The following ICA1 variants were observed in gnomAD, a reference collection of about 807,000 sequenced individuals.
ICA1 encodes islet cell autoantigen 1.
Under a neutral mutation model 71.0 loss-of-function variants are expected in ICA1, and 40 were observed. The observed-to-expected ratio is 0.56, with a 90% CI of 0.44 to 0.73. The LOEUF (loss-of-function observed/expected upper bound fraction) is 0.73, where lower values mean the gene tolerates loss of function less well. ICA1 is among the 30% of genes least tolerant of loss of function. The pLI is 0.00. For missense variants in ICA1, 578 were observed against 576.5 expected, an observed-to-expected ratio of 1.00 and a Z score of -0.03; for synonymous variants, 207 against 209.5, an observed-to-expected ratio of 0.99 and a Z score of 0.10.
chr7:8,135,610 G>A (rs1793136254), intron 12 of ICA1, among the ~76,000 whole-genome samples: 1 of 152,194 alleles, frequency 6.6e-6, no homozygotes, highest in African/African-American at 2.4e-5. Flanking sequence ...GAACTCAGAG[G>A]TAAACATGTA....
intron 9 of ICA1, chr7:8,142,089 G>T: frequency 9.1e-7 from 1 of 1,097,810 alleles, no homozygotes. Flanking sequence ...TAAGATAGAC[G>T]CATACAGTTA....
At chr7:8,163,715 T>C (rs1562776743) in intron 6 of ICA1, among the ~76,000 whole-genome samples, 1 of 151,992 alleles carries the variant, frequency 6.6e-6, no homozygotes, top group Non-Finnish European at 1.5e-5. Context: ...GAAGGAAAAG[T>C]GTGTGCAAGG....
intron 8 of ICA1, chr7:8,156,871 G>T (rs1801712255): frequency 1.1e-5 from 17 of 1,516,134 alleles, no homozygotes; most frequent in Non-Finnish European, 1.5e-5. Flanking sequence ...CAAGGTTCAA[G>T]GTTCAATTCG....
chr7:8,120,887 C>T (rs1025602184), intron 13 of ICA1, among the ~76,000 whole-genome samples: 5 of 152,198 alleles, frequency 3.3e-5, no homozygotes, highest in African/African-American at 1.2e-4. Context: ...AGAGCCGAAG[C>T]CCGGGGCTGG....
chr7:8,133,327 C>G (rs1490247917), intron 12 of ICA1, among the ~76,000 whole-genome samples: 1 of 152,192 alleles, frequency 6.6e-6, no homozygotes, highest in Non-Finnish European at 1.5e-5. Context: ...TAGAGTCTCA[C>G]TCTGTCATCC....
intron 1 of ICA1, among the ~76,000 whole-genome samples, chr7:8,250,134 G>A (rs957630941): frequency 2.6e-5 from 4 of 152,120 alleles, no homozygotes; most frequent in African/African-American, 9.7e-5. Context: ...AAAATAATTG[G>A]ATGTCTGTGC....
chr7:8,212,174 A>T (rs1794009751), intron 6 of ICA1, among the ~76,000 whole-genome samples: 1 of 152,170 alleles, frequency 6.6e-6, no homozygotes. Context: ...ACCAGAACTT[A>T]CTTGAAGTCC....
intron 8 of ICA1, among the ~76,000 whole-genome samples, chr7:8,152,602 GCACTACCACCATCACCTCTTCCAC>G: frequency 2.6e-5 from 1 of 39,060 alleles, no homozygotes; most frequent in Non-Finnish European, 6.0e-5. Flanking sequence ...ACTACCCCCA[GCACTACCACCATCACCTCTTCCAC>G]CACTACCACC....
At position 8,221,910 on chromosome 7, in the gene ICA1, T is replaced by G. The variant is rs867734298; in HGVS notation, c.257-512A>C. On this transcript the variant is annotated intron_variant, in intron 4 of 13. Transcript: ENST00000402384. ...TGGAAGTGGGGGTAGGGACGGAGGGTGGGGAGGTCATCAGGTTGATGACAG... is the reference window on the plus strand; with the variant it reads ...TGGAAGTGGGGGTAGGGACGGAGGGGGGGGAGGTCATCAGGTTGATGACAG... Among the ~76,000 whole-genome samples the G allele has an allele frequency of 2.0e-5, 3 of 151,810 alleles. No individual in the cohort carries two copies. The South Asian group carries it at 6.3e-4, about 32-fold the overall frequency.
intron 8 of ICA1, among the ~76,000 whole-genome samples, chr7:8,145,183 C>T (rs1240431297): frequency 6.6e-6 from 1 of 152,114 alleles, no homozygotes; most frequent in African/African-American, 2.4e-5. Flanking sequence ...GAAGGACCAG[C>T]GTATTTCTTT....
chr7:8,162,478 C>A (rs1324976284), intron 6 of ICA1, among the ~76,000 whole-genome samples: 1 of 152,186 alleles, frequency 6.6e-6, no homozygotes, highest in Non-Finnish European at 1.5e-5. Flanking sequence ...AAACACATTT[C>A]CAGCCTGAAG....
chr7:8,196,719 T>G (rs950385402), intron 6 of ICA1, among the ~76,000 whole-genome samples: 1 of 152,140 alleles, frequency 6.6e-6, no homozygotes, highest in Non-Finnish European at 1.5e-5. Context: ...TAACTTTACA[T>G]ATAATATATA....
intron 13 of ICA1, among the ~76,000 whole-genome samples, chr7:8,121,816 C>A (rs541828998): frequency 6.6e-6 from 1 of 152,184 alleles, no homozygotes; most frequent in Non-Finnish European, 1.5e-5. Flanking sequence ...ACCCCATTTA[C>A]CCTGATGTGA....
Position 8,223,187 on chromosome 7 carries a change from T to C in ICA1, c.257-1789A>G, listed in dbSNP as rs1797639543. Among the ~76,000 whole-genome samples, 1 of 152,250 alleles carries C rather than the reference T, an allele frequency of 6.6e-6. No individual in the cohort carries two copies. Among genetic ancestry groups the C allele is most frequent in the Non-Finnish European group, 1.5e-5 (1 of 68,044 alleles). On this transcript the variant is annotated intron_variant, in intron 4 of 13. Transcript: ENST00000402384. The surrounding 1 kb of genome is among the most constrained non-coding windows in gnomAD (Gnocchi z 4.1). Reference sequence around the variant, plus strand: ...CCTCACTCAATTCCACAATGAATCTTTCCCTATGGAAAGCAATGTCTCATT... The same window carrying C: ...CCTCACTCAATTCCACAATGAATCTCTCCCTATGGAAAGCAATGTCTCATT...
intron 5 of ICA1, chr7:8,218,739 C>T (rs1796153566): frequency 9.2e-6 from 5 of 543,688 alleles, no homozygotes; most frequent in Non-Finnish European, 1.7e-5. Flanking sequence ...GGACCACTGG[C>T]AAGCACCTCC....
chr7:8,164,174 C>G (rs560744114), intron 6 of ICA1, among the ~76,000 whole-genome samples: 1 of 151,910 alleles, frequency 6.6e-6, no homozygotes, highest in South Asian at 2.1e-4. Flanking sequence ...TGTGGTGGTA[C>G]ACGCCTGTAA....
chr7:8,122,225 G>C (rs1197381722), intron 13 of ICA1, among the ~76,000 whole-genome samples: 1 of 152,166 alleles, frequency 6.6e-6, no homozygotes, highest in East Asian at 1.9e-4. Context: ...TAGCACACGT[G>C]GTTCTCCAGG....
In ICA1 at chr7:8,215,089, C is replaced by G. The variant is rs142130762; in HGVS notation, c.579+3216G>C. On this transcript the variant is annotated intron_variant, in intron 6 of 13. Transcript: ENST00000402384. The stretch of plus-strand genomic sequence containing the variant: ...CTCCAAGCTTAGGCCCTCGCAATCC[C>G]TTCTCCACCTTACAAAGAACACAAA... 9.9e-5 allele frequency among the ~76,000 whole-genome samples: 15 copies of G among 152,030 alleles called. 1 individual carries two copies. In the South Asian group the frequency reaches 3.1e-3, roughly 32 times the overall value.
intron 6 of ICA1, among the ~76,000 whole-genome samples, chr7:8,202,198 T>C (rs1438740743): frequency 1.3e-5 from 2 of 152,244 alleles, no homozygotes; most frequent in Admixed American, 6.5e-5. Flanking sequence ...ATGCTGCTCA[T>C]GAAGAAACTG....
Sources: gnomAD v4.1 joint callset for allele counts (sites outside exome capture counted in the v4.1 genomes callset) on GRCh38, gnomAD v4.1.1 for gene constraint, Gnocchi (gnomAD v3.1) non-coding constraint, MANE v1.5 for transcripts, NCBI Gene and HGNC (gene_info 2026-07-23, HGNC 2026-07-21) for gene names.